TUBGCP3: variants seen among roughly 807,000 people sequenced by gnomAD.
TUBGCP3 encodes gamma-tubulin complex component 3.
A neutral mutation model predicts 123.1 loss-of-function variants in TUBGCP3; 50 were observed. The ratio of observed to expected loss-of-function variants is 0.41; its 90% CI spans 0.32 to 0.51. TUBGCP3 has a LOEUF of 0.51. Among genes scored for constraint, TUBGCP3 ranks in the 20% least tolerant of loss-of-function variants. The pLI is 0.36. For missense variants in TUBGCP3, 882 were observed against 1,127.0 expected, an observed-to-expected ratio of 0.78 and a Z score of 3.11; for synonymous variants, 405 against 413.9, an observed-to-expected ratio of 0.98 and a Z score of 0.26.
At chr13:112,523,598 C>T (rs186808843) in intron 13 of TUBGCP3, among the ~76,000 whole-genome samples, 15 of 152,218 alleles carry the variant, frequency 9.9e-5, no homozygotes, top group African/African-American at 2.2e-4. Flanking sequence ...CATTGATCTA[C>T]GTAGTTTTAA....
rs1412573484 is a variant in TUBGCP3, at chr13:112,554,159, T to C, written c.864A>G (p.Arg288=). 6.2e-7 allele frequency: 1 copy of C among 1,614,146 alleles called. No homozygotes were observed. The highest frequency in any genetic ancestry group is 1.3e-5 in the African/African-American group (1 of 75,042). The change falls in exon 8 of 22, where the codon AGA becomes AGG. Residue 288 remains arginine, a synonymous_variant. Coordinates refer to ENST00000261965, the MANE Select transcript of TUBGCP3 (RefSeq NM_006322.6). The part of the protein sequence containing the change: ...EGKANLSRSL[R]DTAVRLSELG... ...ACTCAGAAAGCCTGACTGCTGTGTC[T>C]CTCAAAGACCTACTTAGATTTGCCT... is the stretch of plus-strand genomic sequence containing the variant.
intron 11 of TUBGCP3, among the ~76,000 whole-genome samples, chr13:112,534,980 T>C (rs1174148730): frequency 6.6e-6 from 1 of 152,232 alleles, no homozygotes; most frequent in Non-Finnish European, 1.5e-5. Flanking sequence ...CAACATTAAC[T>C]ACTTTCTATC....
At chr13:112,571,757 C>T (rs1356771223) in intron 1 of TUBGCP3, among the ~76,000 whole-genome samples, 2 of 152,340 alleles carry the variant, frequency 1.3e-5, no homozygotes, top group Middle Eastern at 3.4e-3. Context: ...TAGCCACCTT[C>T]CCCAATGATC....
chr13:112,583,210 A>G (rs1594237331), intron 1 of TUBGCP3, among the ~76,000 whole-genome samples: 1 of 152,314 alleles, frequency 6.6e-6, no homozygotes, highest in Non-Finnish European at 1.5e-5. Context: ...TTTTATATAA[A>G]TGTTAGCTAT....
chr13:112,516,813 G>A (rs1337113135), intron 16 of TUBGCP3, among the ~76,000 whole-genome samples: 1 of 152,050 alleles, frequency 6.6e-6, no homozygotes, highest in African/African-American at 2.4e-5. Flanking sequence ...TTTTAGACTA[G>A]TCTAAACCTA....
chr13:112,547,557 GA>G lies in TUBGCP3; in HGVS notation c.1168+62del, dbSNP rs747319016. 174 of 1,337,604 alleles carry G rather than the reference GA, an allele frequency of 1.3e-4. No homozygotes were observed. In the African/African-American group the frequency reaches 2.7e-3, roughly 20 times the overall value. 82.9% of individuals were successfully genotyped at this position (1,337,604 alleles called of 1,614,324 possible). On this transcript the variant is annotated intron_variant, in intron 10 of 21. Coordinates refer to ENST00000261965, the MANE Select transcript of TUBGCP3 (RefSeq NM_006322.6). ...ACGTGCATGGGAAAGTCGCGCGTGGGAAAGTCGCGCGTGGGAAAGTCGCGCG... is the reference window on the plus strand; with the variant it reads ...ACGTGCATGGGAAAGTCGCGCGTGGGAAGTCGCGCGTGGGAAAGTCGCGCG...
intron 3 of TUBGCP3, among the ~76,000 whole-genome samples, chr13:112,564,270 C>T (rs1352390729): frequency 6.6e-6 from 1 of 152,102 alleles, no homozygotes; most frequent in Non-Finnish European, 1.5e-5. Flanking sequence ...TTCCAGAGCA[C>T]AATATAACAA....
intron 8 of TUBGCP3, among the ~76,000 whole-genome samples, chr13:112,551,821 G>A (rs768092089): frequency 2.0e-5 from 3 of 150,084 alleles, no homozygotes; most frequent in South Asian, 2.2e-4. Flanking sequence ...AGCAGTCCCC[G>A]ACCTTTTTGG....
chr13:112,542,417 C>T lies in TUBGCP3; in HGVS notation c.1335+3282G>A, dbSNP rs112473867. 3.9e-3 allele frequency among the ~76,000 whole-genome samples: 595 copies of T among 152,222 alleles called. 6 individuals are homozygous for T. The highest frequency in any genetic ancestry group is 0.013 in the African/African-American group (538 of 41,522). On this transcript the variant is annotated intron_variant, in intron 11 of 21. Coordinates refer to ENST00000261965, the MANE Select transcript of TUBGCP3 (RefSeq NM_006322.6). ...AGCCTCACTCTATCAAAGGAAACGCCCATTACCTACATGTCCTTAGCACCT... is the reference window on the plus strand; with the variant it reads ...AGCCTCACTCTATCAAAGGAAACGCTCATTACCTACATGTCCTTAGCACCT...
chr13:112,533,154 C>T (rs901868655), intron 11 of TUBGCP3, among the ~76,000 whole-genome samples: 1 of 152,194 alleles, frequency 6.6e-6, no homozygotes, highest in Non-Finnish European at 1.5e-5. Flanking sequence ...ACAGAGAGAC[C>T]GAGAGGTCCC....
At chr13:112,581,451 A>AT (rs11415122) in intron 1 of TUBGCP3, among the ~76,000 whole-genome samples, 22,811 of 150,712 alleles carry the variant, frequency 0.15, 2,028 homozygotes, top group Non-Finnish European at 0.21. Flanking sequence ...CTATTTAAGA[A>AT]TTTTTTTTTT....
At chr13:112,523,573 A>G (rs1038168588) in intron 13 of TUBGCP3, among the ~76,000 whole-genome samples, 1 of 152,192 alleles carries the variant, frequency 6.6e-6, no homozygotes, top group Admixed American at 6.5e-5. Flanking sequence ...TTTTAAGGGC[A>G]TGGGGTTCTA....
At chr13:112,517,304 C>T (rs2139051350) in intron 16 of TUBGCP3, among the ~76,000 whole-genome samples, 1 of 152,254 alleles carries the variant, frequency 6.6e-6, no homozygotes. Flanking sequence ...CTTTTTTCCT[C>T]GAGTCCTTCT....
the TUBGCP3 span, chr13:112,604,652 A>C: frequency 2.6e-5 from 4 of 152,216 alleles, no homozygotes; most frequent in Non-Finnish European, 4.4e-5. Flanking sequence ...TCCTAAGATA[A>C]TAAATGTGCA....
rs191321226 is a variant in TUBGCP3 at position 112,507,119 on chromosome 13, T to C, written c.2087-2405A>G. ...TATGAAATAGTTTAGAAACCACTTGTGGAAGGTTTTTGTATTTTTATGTTA... is the reference window on the plus strand; with the variant it reads ...TATGAAATAGTTTAGAAACCACTTGCGGAAGGTTTTTGTATTTTTATGTTA... On this transcript the variant is annotated intron_variant, in intron 17 of 21. Transcript: ENST00000261965. 5.8e-3 allele frequency among the ~76,000 whole-genome samples: 887 copies of C among 152,338 alleles called. 9 individuals are homozygous for C. The highest frequency in any genetic ancestry group is 0.021 in the African/African-American group (853 of 41,576).
At chr13:112,571,086 C>T (rs1487933037) in intron 1 of TUBGCP3, among the ~76,000 whole-genome samples, 1 of 152,188 alleles carries the variant, frequency 6.6e-6, no homozygotes, top group Non-Finnish European at 1.5e-5. Context: ...AGTCATCCAT[C>T]ATGGCTGGAA....
At chr13:112,514,505 C>T (rs537415446) in intron 17 of TUBGCP3, among the ~76,000 whole-genome samples, 5 of 152,110 alleles carry the variant, frequency 3.3e-5, no homozygotes, top group African/African-American at 1.2e-4. Context: ...AAGTGTTCAC[C>T]CTCATCAATC....
intron 1 of TUBGCP3, among the ~76,000 whole-genome samples, chr13:112,574,504 A>G (rs1881659824): frequency 6.6e-6 from 1 of 152,266 alleles, no homozygotes; most frequent in African/African-American, 2.4e-5. Flanking sequence ...GATTTAAGGA[A>G]GATATAAACA....
Position 112,556,282 on chromosome 13 carries a change from G to C in TUBGCP3, c.549-58C>G, listed in dbSNP as rs946179110. On this transcript the variant is annotated intron_variant, in intron 5 of 21. Coordinates refer to ENST00000261965, the MANE Select transcript of TUBGCP3 (RefSeq NM_006322.6). ...GGCTATTCGCTGAAGAGACAAAAGT[G>C]TCCCTAGAAATTTCTCTTGTATTAC... 3 of 1,530,496 alleles carry C rather than the reference G, an allele frequency of 2.0e-6. No individual in the cohort carries two copies. The African/African-American group carries it at 4.1e-5, about 21-fold the overall frequency. 94.8% of individuals were successfully genotyped at this position (1,530,496 alleles called of 1,614,324 possible). A position where few individuals can be genotyped will look rare whatever the true frequency, so the allele number is the denominator to read the frequency against.
Sources: gnomAD v4.1 joint callset for allele counts (sites outside exome capture counted in the v4.1 genomes callset) on GRCh38, gnomAD v4.1.1 for gene constraint, MANE v1.5 for transcripts, NCBI Gene and HGNC (gene_info 2026-07-23, HGNC 2026-07-21) for gene names.